The following ADCY2 variants were observed in gnomAD, a reference collection of about 807,000 sequenced individuals.
ADCY2 encodes the protein adenylate cyclase type 2.
A neutral mutation model predicts 125.2 loss-of-function variants in ADCY2; 31 were observed. The ratio of observed to expected loss-of-function variants is 0.25; its 90% confidence interval spans 0.19 to 0.33. The LOEUF (loss-of-function observed/expected upper bound fraction) is 0.33, where lower values mean the gene tolerates loss of function less well. ADCY2 is among the 10% of genes least tolerant of loss of function. The pLI, the probability that ADCY2 is intolerant of heterozygous loss-of-function variation, is 1.00. For missense variants in ADCY2, 904 were observed against 1,418.2 expected, an observed-to-expected ratio of 0.64 and a Z score of 5.82; for synonymous variants, 512 against 548.4, an observed-to-expected ratio of 0.93 and a Z score of 0.93.
At chr5:7,512,218 C>CAAGAAAAAAAAAA (rs1744088482) in intron 2 of ADCY2, among the ~76,000 whole-genome samples, 1 of 57,920 alleles carries the variant, frequency 1.7e-5, no homozygotes, top group Non-Finnish European at 2.8e-5. Flanking sequence ...ATGACTCCAT[C>CAAGAAAAAAAAAA]AAAAAAAAAA....
At chr5:7,530,234 G>A (rs1734596319) in intron 3 of ADCY2, among the ~76,000 whole-genome samples, 2 of 152,210 alleles carry the variant, frequency 1.3e-5, no homozygotes, top group South Asian at 4.1e-4. Context: ...AGCAGCAGCA[G>A]CAGTAATGTA....
rs187320680 is a variant in ADCY2 at position 7,566,395 on chromosome 5, C to T, written c.570+45496C>T. 3.7e-4 allele frequency among the ~76,000 whole-genome samples: 57 copies of T among 152,186 alleles called. 1 individual carries two copies. Among genetic ancestry groups the T allele is most frequent in the South Asian group, 1.2e-3 (6 of 4,816 alleles). On this transcript the variant is annotated intron_variant, in intron 3 of 24. Coordinates refer to ENST00000338316, the MANE Select transcript of ADCY2 (RefSeq NM_020546.3). ...TCTGCAGTCCCAGCTACTTGGGTGG[C>T]CAAGGTGGGAGGATCGCTTGAGCCC... is the stretch of plus-strand genomic sequence containing the variant.
intron 9 of ADCY2, chr5:7,708,089 A>T (rs1000017523): frequency 7.5e-6 from 3 of 402,388 alleles, no homozygotes; most frequent in Non-Finnish European, 4.4e-6. Flanking sequence ...TCAGGCTGTC[A>T]TGTGTGTTAG....
intron 3 of ADCY2, among the ~76,000 whole-genome samples, chr5:7,562,907 A>C (rs1054506634): frequency 5.9e-5 from 9 of 152,158 alleles, no homozygotes; most frequent in African/African-American, 9.6e-5. Context: ...TTCTCATTTC[A>C]GTTAAGGAAA....
intron 3 of ADCY2, among the ~76,000 whole-genome samples, chr5:7,595,754 C>T (rs1006080610): frequency 6.6e-6 from 1 of 152,108 alleles, no homozygotes; most frequent in Non-Finnish European, 1.5e-5. Flanking sequence ...ACAGCCTGTG[C>T]ACATCCTCTT....
intron 20 of ADCY2, chr5:7,797,668 C>A (rs1165292586): frequency 6.6e-6 from 1 of 152,218 alleles, no homozygotes; most frequent in East Asian, 1.9e-4. Context: ...CTCTCTTATT[C>A]CAAAGGAGGC....
chr5:7,757,572 G>C lies in ADCY2; in HGVS notation c.2080G>C (p.Ala694Pro). Residue 694 changes from alanine to proline, a missense_variant, in exon 16 of 25, where the codon GCC becomes CCC. Ala to Pro is a conservative substitution (Grantham distance 27). This residue lies in a region of ADCY2 where 221 missense variants were observed against 246.2 expected (regional missense o/e 0.90). Coordinates refer to ENST00000338316, the MANE Select transcript of ADCY2 (RefSeq NM_020546.3). Reference protein sequence around the residue: ...IITTAIILMMAVFNMFFLSDS... With the variant: ...IITTAIILMMPVFNMFFLSDS... The stretch of plus-strand genomic sequence containing the variant: ...CACCACAGCCATCATATTAATGATG[G>C]CCGTGTTCAACATGGTAAGTCCCAG... 6.4e-7 allele frequency: 1 copy of C among 1,565,910 alleles called. No homozygotes were observed. The highest frequency in any genetic ancestry group is 8.7e-7 in the Non-Finnish European group (1 of 1,144,096).
At chr5:7,751,036 C>A (rs1742797097) in intron 15 of ADCY2, among the ~76,000 whole-genome samples, 1 of 152,096 alleles carries the variant, frequency 6.6e-6, no homozygotes, top group Admixed American at 6.5e-5. Context: ...TTTTCCACTT[C>A]TTTATCTTTC....
intron 24 of ADCY2, among the ~76,000 whole-genome samples, chr5:7,823,903 T>C (rs1745382197): frequency 6.6e-6 from 1 of 152,058 alleles, no homozygotes; most frequent in Admixed American, 6.6e-5. Context: ...TCAGGGCAGG[T>C]CGGCCACCTA....
intron 2 of ADCY2, among the ~76,000 whole-genome samples, chr5:7,437,166 G>T (rs1247825192): frequency 2.0e-5 from 3 of 152,170 alleles, no homozygotes; most frequent in African/African-American, 4.8e-5. Context: ...ACAAAGTGCT[G>T]GTGTTCAACA....
At chr5:7,752,749 T>A in intron 15 of ADCY2, among the ~76,000 whole-genome samples, 1 of 151,706 alleles carries the variant, frequency 6.6e-6, no homozygotes, top group Non-Finnish European at 1.5e-5. Context: ...CTGGCTGATA[T>A]TTTTGGTGGA....
chr5:7,470,143 AT>A (rs35607096), intron 2 of ADCY2, among the ~76,000 whole-genome samples: 46,591 of 151,470 alleles, frequency 0.31, 7,429 homozygotes, highest in East Asian at 0.53. Context: ...TTATCTCATG[AT>A]TTTTTTTATC....
chr5:7,760,058 C>T (rs928327127), intron 16 of ADCY2, among the ~76,000 whole-genome samples: 5 of 152,134 alleles, frequency 3.3e-5, no homozygotes, highest in Admixed American at 1.3e-4. Flanking sequence ...AGACACACCA[C>T]GAGCCACAAG....
At chr5:7,609,277 G>A (rs1737490942) in intron 3 of ADCY2, among the ~76,000 whole-genome samples, 1 of 152,200 alleles carries the variant, frequency 6.6e-6, no homozygotes, top group South Asian at 2.1e-4. Context: ...TCACTAAATA[G>A]GAGAGGCGGA....
At chr5:7,543,935 A>G (rs1356924638) in intron 3 of ADCY2, among the ~76,000 whole-genome samples, 1 of 144,126 alleles carries the variant, frequency 6.9e-6, no homozygotes, top group Non-Finnish European at 1.5e-5. Context: ...AATGGCATGA[A>G]CCCGGGAGTC....
chr5:7,805,082 G>T (rs112977608), intron 22 of ADCY2, among the ~76,000 whole-genome samples: 4 of 152,032 alleles, frequency 2.6e-5, no homozygotes, highest in Non-Finnish European at 1.5e-5. Context: ...TTGGGAGGCC[G>T]AGGTGGGTGG....
In ADCY2 at chr5:7,763,318, C is replaced by G. The variant is rs575422076; in HGVS notation, c.2095-3369C>G. 2.6e-3 allele frequency among the ~76,000 whole-genome samples: 402 copies of G among 151,974 alleles called. 1 individual carries two copies. The highest frequency in any genetic ancestry group is 9.4e-3 in the African/African-American group (391 of 41,428). On this transcript the variant is annotated intron_variant, in intron 16 of 24. Transcript: ENST00000338316. ...ATGTTAGCCAAGATGGTCTCGATCT[C>G]CTGACCTCGTGATCCACCCACCTCG... is the stretch of plus-strand genomic sequence containing the variant.
intron 18 of ADCY2, among the ~76,000 whole-genome samples, chr5:7,776,938 G>A (rs150509152): frequency 1.3e-5 from 2 of 152,060 alleles, no homozygotes; most frequent in South Asian, 4.2e-4. Flanking sequence ...TGGTTTTGAG[G>A]CTTTGGGACT....
At chr5:7,632,566 T>A (rs892716429) in intron 4 of ADCY2, among the ~76,000 whole-genome samples, 8 of 152,168 alleles carry the variant, frequency 5.3e-5, no homozygotes, top group Non-Finnish European at 1.2e-4. Context: ...AGACTACACA[T>A]ACACTTTACT....
Sources: allele counts gnomAD v4.1 joint callset (sites outside exome capture counted in the v4.1 genomes callset), GRCh38; gene constraint gnomAD v4.1.1; regional missense constraint gnomAD v4.1.1; transcripts MANE v1.5; gene names NCBI Gene and HGNC (gene_info 2026-07-23, HGNC 2026-07-21).